The following PDC variants were observed in gnomAD, a reference collection of about 807,000 sequenced individuals.
PDC encodes 33 kDa phototransducing protein.
A neutral mutation model predicts 22.2 loss-of-function variants in PDC; 19 were observed. The ratio of observed to expected loss-of-function variants is 0.86; its 90% CI spans 0.60 to 1.26. The LOEUF (loss-of-function observed/expected upper bound fraction) is 1.26. Ranked by LOEUF, PDC falls within the 50% of genes most tolerant of loss-of-function variation. The pLI is 0.00. For synonymous variants in PDC, 97 were observed against 96.2 expected (o/e 1.01, Z -0.05); for missense variants, 274 against 286.8 (o/e 0.96, Z 0.32).
In PDC at chr1:186,459,127, A is replaced by C. The variant is rs376229373; in HGVS notation, c.-25+1932T>G. Among the ~76,000 whole-genome samples, 183 of 152,242 alleles carry C rather than the reference A, an allele frequency of 1.2e-3. 1 individual carries two copies. The highest frequency in any genetic ancestry group is 0.01 in the Middle Eastern group (3 of 294). On this transcript the variant is annotated intron_variant, in intron 1 of 3. Transcript: ENST00000391997. Reference sequence around the variant, plus strand: ...CAGTGAGCCGACATCTCGCCACTGCACTCCAGCCTGGGGGACAGAATGAGA... The same window carrying C: ...CAGTGAGCCGACATCTCGCCACTGCCCTCCAGCCTGGGGGACAGAATGAGA...
chr1:186,450,661 T>C (rs1164332310), intron 1 of PDC, among the ~76,000 whole-genome samples: 1 of 152,170 alleles, frequency 6.6e-6, no homozygotes, highest in Non-Finnish European at 1.5e-5. Flanking sequence ...CAGGCTAAAA[T>C]AGAAAATCAC....
intron 1 of PDC, among the ~76,000 whole-genome samples, chr1:186,455,808 A>C (rs1277603468): frequency 7.9e-5 from 11 of 140,014 alleles, no homozygotes; most frequent in Middle Eastern, 3.6e-3. Context: ...AAAAAAAAAA[A>C]AAAAAAAAAA....
intron 2 of PDC, among the ~76,000 whole-genome samples, chr1:186,448,413 G>A (rs534636432): frequency 5.3e-5 from 8 of 151,836 alleles, no homozygotes; most frequent in Non-Finnish European, 7.4e-5. Flanking sequence ...TTTTCTTATC[G>A]ATTTGTAGAA....
At chr1:186,457,223 G>A (rs1221811168) in intron 1 of PDC, among the ~76,000 whole-genome samples, 3 of 152,058 alleles carry the variant, frequency 2.0e-5, no homozygotes, top group African/African-American at 4.8e-5. Flanking sequence ...ATGTCATATT[G>A]GACTCTATAG....
At chr1:186,457,082 T>G (rs555531062) in intron 1 of PDC, among the ~76,000 whole-genome samples, 1 of 152,314 alleles carries the variant, frequency 6.6e-6, no homozygotes, top group African/African-American at 2.4e-5. Context: ...ATACATCTCC[T>G]TAGGTCTCTG....
At chr1:186,451,138 G>A (rs1662346735) in intron 1 of PDC, 1 of 152,136 alleles carries the variant, frequency 6.6e-6, no homozygotes, top group Admixed American at 6.5e-5. Flanking sequence ...CACTTGGACT[G>A]GTCCTGTAAT....
At chr1:186,448,960 AATTT>A (rs1237386724) in intron 2 of PDC, among the ~76,000 whole-genome samples, 1 of 152,114 alleles carries the variant, frequency 6.6e-6, no homozygotes, top group Non-Finnish European at 1.5e-5. Context: ...GGAATACTGA[AATTT>A]ATTTATTCAA....
chr1:186,444,697 A>G (rs1381046695), intron 3 of PDC, among the ~76,000 whole-genome samples, 191 bp from the exon 4 acceptor site: 5 of 151,994 alleles, frequency 3.3e-5, no homozygotes, highest in Non-Finnish European at 5.9e-5. Context: ...TTCCTTGATT[A>G]CTTTACCTAA....
At chr1:186,457,406 T>C (rs1662491862) in intron 1 of PDC, among the ~76,000 whole-genome samples, 1 of 152,168 alleles carries the variant, frequency 6.6e-6, no homozygotes. Context: ...TAACAATTAA[T>C]TTCTTGAATT....
At chr1:186,451,342 A>G (rs926793710) in intron 1 of PDC, 3 of 152,226 alleles carry the variant, frequency 2.0e-5, no homozygotes, top group African/African-American at 7.2e-5. Flanking sequence ...ATAATGGAAA[A>G]TGGAAAGTAA....
At position 186,454,010 on chromosome 1, in the gene PDC, A is replaced by G. The variant is rs1331475959; in HGVS notation, c.-24-4527T>C. 3.3e-5 allele frequency among the ~76,000 whole-genome samples: 5 copies of G among 152,182 alleles called. No individual in the cohort carries two copies. The East Asian group carries it at 9.6e-4, about 29-fold the overall frequency. On this transcript the variant is annotated intron_variant, in intron 1 of 3. Coordinates refer to ENST00000391997, the MANE Select transcript of PDC (RefSeq NM_002597.5). Reference sequence around the variant, plus strand: ...GCCGACCTAATTTTTTTGTATATGCATTAAAACCAAGATGAGGAAATGGAA... The same window carrying G: ...GCCGACCTAATTTTTTTGTATATGCGTTAAAACCAAGATGAGGAAATGGAA...
At position 186,444,687 on chromosome 1, in the gene PDC, T is replaced by C. The variant is rs886131179; in HGVS notation, c.214-181A>G. Among the ~76,000 whole-genome samples, 4 of 152,170 alleles carry C rather than the reference T, an allele frequency of 2.6e-5. No homozygotes were observed. In the South Asian group the frequency reaches 8.3e-4, roughly 31 times the overall value. On this transcript the variant is annotated intron_variant, in intron 3 of 3. Coordinates refer to ENST00000391997, the MANE Select transcript of PDC (RefSeq NM_002597.5). ...TTGAAGCTTTTGTTTAAATGTCACC[T>C]TCCTTGATTACTTTACCTAAAAAGG...
In PDC at chr1:186,443,916, A is replaced by G. The variant is rs919813297; in HGVS notation, c.*63T>C. ...CTCTGTGTTCACTAAAGCAATATAG[A>G]TACTACCAAAACCATCATCCAATAC... is the stretch of plus-strand genomic sequence containing the variant. On this transcript the variant is annotated 3_prime_UTR_variant, in exon 4 of 4. Transcript: ENST00000391997. The G allele has an allele frequency of 8.9e-6, 11 of 1,238,798 alleles. No individual in the cohort carries two copies. Among genetic ancestry groups the G allele is most frequent in the East Asian group, 2.3e-5 (1 of 43,008 alleles). 76.7% of individuals were successfully genotyped at this position (1,238,798 alleles called of 1,614,324 possible). A position where few individuals can be genotyped will look rare whatever the true frequency, so the allele number is the denominator to read the frequency against.
At chr1:186,457,314 A>G (rs1238378363) in intron 1 of PDC, among the ~76,000 whole-genome samples, 1 of 152,194 alleles carries the variant, frequency 6.6e-6, no homozygotes, top group Admixed American at 6.5e-5. Flanking sequence ...TGACAACACC[A>G]TGTCAGATCA....
intron 1 of PDC, among the ~76,000 whole-genome samples, chr1:186,456,853 G>C (rs1215585846): frequency 1.3e-5 from 2 of 152,218 alleles, no homozygotes; most frequent in Non-Finnish European, 2.9e-5. Context: ...GTGAAATTTA[G>C]TAAGTTATCT....
rs1374909194 is a variant in PDC, at chr1:186,447,043, C to T, written c.62-466G>A. On this transcript the variant is annotated intron_variant, in intron 2 of 3. Transcript: ENST00000391997. ...TAAAAAACAACTGGTGAGCAGGGGG[C>T]CTGACCTCAACAAAACTAAAATGGC... Among the ~76,000 whole-genome samples, 5 of 152,072 alleles carry T rather than the reference C, an allele frequency of 3.3e-5. 1 individual carries two copies. Among genetic ancestry groups the T allele is most frequent in the African/African-American group, 1.2e-4 (5 of 41,392 alleles).
At chr1:186,454,168 C>CTTTTTTTT (rs397860509) in intron 1 of PDC, among the ~76,000 whole-genome samples, 61 of 94,212 alleles carry the variant, frequency 6.5e-4, no homozygotes, top group Non-Finnish European at 7.4e-4. Context: ...TCTTTTCTTT[C>CTTTTTTTT]TTTTTTTTTT....
chr1:186,446,305 TGCCAGCGTAA>T, intron 3 of PDC, 111 bp downstream of exon 3: 1 of 645,166 alleles, frequency 1.5e-6, no homozygotes, highest in African/African-American at 1.8e-5. Flanking sequence ...CATTTTTTTT[TGCCAGCGTAA>T]GCAATATTGT....
At chr1:186,450,517 T>C (rs1380354102) in intron 1 of PDC, among the ~76,000 whole-genome samples, 1 of 151,954 alleles carries the variant, frequency 6.6e-6, no homozygotes, top group Non-Finnish European at 1.5e-5. Context: ...GCTAATGTTT[T>C]TTTTTATTTT....
Sources: gnomAD v4.1 joint callset for allele counts (sites outside exome capture counted in the v4.1 genomes callset) on GRCh38, gnomAD v4.1.1 for gene constraint, MANE v1.5 for transcripts, NCBI Gene and HGNC (gene_info 2026-07-23, HGNC 2026-07-21) for gene names.